PDE4B: variants seen among roughly 807,000 people sequenced by gnomAD.
PDE4B encodes the protein phosphodiesterase 4B.
PDE4B carries 20 observed loss-of-function variants against 82.2 expected under a neutral mutation model. The observed-to-expected ratio is 0.24, with a 90% CI of 0.17 to 0.35. The LOEUF is 0.35. Ranked by LOEUF, PDE4B falls within the 10% of genes least tolerant of loss-of-function variation. PDE4B has a pLI of 1.00. For synonymous variants in PDE4B, 320 were observed against 318.9 expected, an observed-to-expected ratio of 1.00 and a Z score of -0.04; for missense variants, 655 against 907.2, an observed-to-expected ratio of 0.72 and a Z score of 3.57.
intron 3 of PDE4B, among the ~76,000 whole-genome samples, chr1:66,039,477 G>T (rs1439147814): frequency 6.6e-6 from 1 of 151,952 alleles, no homozygotes; most frequent in African/African-American, 2.4e-5. Flanking sequence ...AATATGTTGT[G>T]TTTTCCCATT....
At chr1:66,028,283 G>A (rs977544864) in intron 3 of PDE4B, among the ~76,000 whole-genome samples, 3 of 152,142 alleles carry the variant, frequency 2.0e-5, no homozygotes, top group Non-Finnish European at 2.9e-5. Flanking sequence ...GCTGTTTGTT[G>A]GCTCCTTTCA....
intron 1 of PDE4B, among the ~76,000 whole-genome samples, chr1:65,829,172 A>G (rs1646052745): frequency 6.6e-6 from 1 of 152,336 alleles, no homozygotes; most frequent in East Asian, 1.9e-4. Context: ...AACTATATTA[A>G]CTTTAAACAA....
At chr1:65,869,727 T>C (rs538078627) in intron 1 of PDE4B, among the ~76,000 whole-genome samples, 3 of 152,074 alleles carry the variant, frequency 2.0e-5, no homozygotes, top group East Asian at 1.9e-4. Context: ...TTTGTATTAG[T>C]CTATTTGCTT....
intron 3 of PDE4B, among the ~76,000 whole-genome samples, chr1:66,129,585 G>A (rs375140663): frequency 0.026 from 3,921 of 148,768 alleles, 188 homozygotes; most frequent in African/African-American, 0.091. Context: ...GCGTGAACCC[G>A]GGAGGCGGAG....
intron 7 of PDE4B, among the ~76,000 whole-genome samples, chr1:66,310,641 C>T (rs1208936181): frequency 2.6e-5 from 4 of 152,146 alleles, no homozygotes; most frequent in African/African-American, 4.8e-5. Context: ...TTCCTAGGAA[C>T]ATTCTCCTCT....
In PDE4B at chr1:66,146,538, C is replaced by A. The variant is rs1646276885; in HGVS notation, c.282-100922C>A. On this transcript the variant is annotated intron_variant, in intron 3 of 16. Coordinates refer to ENST00000341517, the MANE Select transcript of PDE4B (RefSeq NM_002600.4). ...ACCATGACTTTTTCCCTTGGATGAG[C>A]AGCTAAACAGTTACCACTGTTGCAC... Among the ~76,000 whole-genome samples the A allele has an allele frequency of 2.0e-5, 3 of 152,200 alleles. No individual in the cohort carries two copies. In the South Asian group the frequency reaches 6.2e-4, roughly 32 times the overall value.
At chr1:66,071,925 C>A (rs933567463) in intron 3 of PDE4B, among the ~76,000 whole-genome samples, 1 of 151,926 alleles carries the variant, frequency 6.6e-6, no homozygotes, top group South Asian at 2.1e-4. Flanking sequence ...AATTTTAAAG[C>A]GGAAAAATTT....
At position 65,830,955 on chromosome 1, in the gene PDE4B, C is replaced by T. The variant is rs529116707; in HGVS notation, c.-71+37707C>T. 3.2e-4 allele frequency among the ~76,000 whole-genome samples: 49 copies of T among 152,134 alleles called. 1 individual carries two copies. The highest frequency in any genetic ancestry group is 1.0e-3 in the African/African-American group (43 of 41,536). On this transcript the variant is annotated intron_variant, in intron 1 of 16. Coordinates refer to ENST00000341517, the MANE Select transcript of PDE4B (RefSeq NM_002600.4). The stretch of plus-strand genomic sequence containing the variant: ...CAGCTTTTCTGTCAGCCTAAATTTA[C>T]TCTAAAAATTGTTAAAAATAATTTG...
chr1:66,225,555 C>T (rs1651384262), intron 3 of PDE4B, among the ~76,000 whole-genome samples: 1 of 152,136 alleles, frequency 6.6e-6, no homozygotes, highest in Non-Finnish European at 1.5e-5. Context: ...TACCAGCTCC[C>T]ATGGCATTTC....
intron 3 of PDE4B, among the ~76,000 whole-genome samples, chr1:65,969,027 A>G (rs1649993738): frequency 1.3e-5 from 2 of 152,188 alleles, no homozygotes; most frequent in Admixed American, 1.3e-4. Context: ...GAATGTAACA[A>G]ATTATCTCAT....
chr1:66,328,276 G>A (rs1448009599), intron 7 of PDE4B, among the ~76,000 whole-genome samples: 1 of 152,204 alleles, frequency 6.6e-6, no homozygotes, highest in Non-Finnish European at 1.5e-5. Flanking sequence ...AGAGAAGGGA[G>A]GTTGGTTCTC....
At chr1:66,337,375 A>C (rs1263087192) in intron 8 of PDE4B, among the ~76,000 whole-genome samples, 1 of 152,230 alleles carries the variant, frequency 6.6e-6, no homozygotes, top group Non-Finnish European at 1.5e-5. Context: ...TTCTCTGTCC[A>C]AATGGCTTTG....
chr1:65,800,457 T>A (rs1036625113), intron 1 of PDE4B, among the ~76,000 whole-genome samples: 1 of 152,238 alleles, frequency 6.6e-6, no homozygotes, highest in Non-Finnish European at 1.5e-5. Flanking sequence ...GGTTACACTT[T>A]AGTAACTGAA....
intron 1 of PDE4B, among the ~76,000 whole-genome samples, chr1:65,851,686 T>G (rs940814121): frequency 1.3e-5 from 2 of 152,056 alleles, no homozygotes; most frequent in Admixed American, 6.6e-5. Context: ...TCTTGAGTCC[T>G]TGTTAAATAT....
intron 1 of PDE4B, among the ~76,000 whole-genome samples, chr1:65,802,509 A>C (rs2101167033): frequency 6.6e-6 from 1 of 152,318 alleles, no homozygotes; most frequent in African/African-American, 2.4e-5. Flanking sequence ...CCTAAGTACA[A>C]GGAATTATGA....
intron 3 of PDE4B, among the ~76,000 whole-genome samples, chr1:66,054,182 T>C (rs111984071): frequency 2.6e-5 from 4 of 152,196 alleles, no homozygotes; most frequent in Non-Finnish European, 5.9e-5. Flanking sequence ...AATACAAATA[T>C]ATCACAAAAA....
At chr1:65,911,893 G>C (rs1159834895) in intron 1 of PDE4B, among the ~76,000 whole-genome samples, 1 of 152,078 alleles carries the variant, frequency 6.6e-6, no homozygotes, top group Non-Finnish European at 1.5e-5. Flanking sequence ...ATTCAACCCT[G>C]GTTTCCTGGG....
chr1:65,992,930 G>A (rs1438930060), intron 3 of PDE4B: 1 of 1,613,660 alleles, frequency 6.2e-7, no homozygotes, highest in Admixed American at 1.7e-5. Context: ...ATTCTTCAAA[G>A]GAACTTACTG....
intron 3 of PDE4B, among the ~76,000 whole-genome samples, chr1:66,180,685 GGGCCGACCACT>G (rs1647044699): frequency 6.6e-6 from 1 of 152,138 alleles, no homozygotes; most frequent in Non-Finnish European, 1.5e-5. Context: ...GGCAAGATTT[GGGCCGACCACT>G]GGCAGATAAA....
Sources: gnomAD v4.1 joint callset for allele counts (sites outside exome capture counted in the v4.1 genomes callset) on GRCh38, gnomAD v4.1.1 for gene constraint, MANE v1.5 for transcripts, NCBI Gene and HGNC (gene_info 2026-07-23, HGNC 2026-07-21) for gene names.